Variants in MMD2 observed in about 807,000 individuals in gnomAD.
MMD2 encodes monocyte to macrophage differentiation factor 2.
A neutral mutation model predicts 33.5 loss-of-function variants in MMD2; 30 were observed. The observed-to-expected ratio is 0.90, with a 90% CI of 0.67 to 1.22. MMD2 has a LOEUF of 1.22. Ranked by LOEUF, MMD2 falls within the 50% of genes most tolerant of loss-of-function variation. The pLI is 0.00. For missense variants in MMD2, 364 were observed against 325.4 expected, an observed-to-expected ratio of 1.12 and a Z score of -0.91; for synonymous variants, 129 against 123.0, an observed-to-expected ratio of 1.05 and a Z score of -0.32.
intron 1 of MMD2, among the ~76,000 whole-genome samples, chr7:4,941,129 A>G (rs1027006459): frequency 3.9e-5 from 6 of 152,110 alleles, no homozygotes; most frequent in Non-Finnish European, 8.8e-5. Flanking sequence ...GTCCTCAGCT[A>G]GCTCCTGGGT....
chr7:4,937,998 C>CTTT (rs1785791916), intron 1 of MMD2, among the ~76,000 whole-genome samples: 1 of 62,728 alleles, frequency 1.6e-5, no homozygotes, highest in Non-Finnish European at 3.2e-5. Context: ...TTTTTTCTTT[C>CTTT]TTTCTTTTTT....
intron 1 of MMD2, among the ~76,000 whole-genome samples, chr7:4,935,193 GA>G (rs145518383): frequency 0.026 from 3,769 of 146,736 alleles, 115 homozygotes; most frequent in East Asian, 0.11. Context: ...CTCAAAAAAA[GA>G]AAAAAAAAAC....
chr7:4,911,364 A>C, intron 4 of MMD2, 118 bp from the exon 5 acceptor site: 1 of 723,364 alleles, frequency 1.4e-6, no homozygotes, highest in African/African-American at 1.8e-5. Context: ...CTGTGACTCC[A>C]CGGCTGGGAC....
the MMD2 span, among the ~76,000 whole-genome samples, chr7:4,897,732 C>CTCTTTCTT: frequency 7.0e-6 from 1 of 142,120 alleles, no homozygotes; most frequent in African/African-American, 2.7e-5. Flanking sequence ...TGTATTTAAT[C>CTCTTTCTT]TCTTTCTTTC....
intron 1 of MMD2, among the ~76,000 whole-genome samples, chr7:4,930,161 T>C (rs746807961): frequency 1.3e-5 from 2 of 150,666 alleles, no homozygotes; most frequent in Non-Finnish European, 3.0e-5. Flanking sequence ...TCCCAGCTAC[T>C]TGGAGGCTGA....
At chr7:4,915,632 C>T (rs1187782046) in intron 4 of MMD2, among the ~76,000 whole-genome samples, 2 of 151,402 alleles carry the variant, frequency 1.3e-5, no homozygotes, top group African/African-American at 4.9e-5. Context: ...CCCAGCTACT[C>T]GGGAGGCAGA....
intron 1 of MMD2, among the ~76,000 whole-genome samples, chr7:4,942,697 C>T (rs1785943992): frequency 6.6e-6 from 1 of 151,812 alleles, no homozygotes; most frequent in South Asian, 2.1e-4. Flanking sequence ...ATTGCAACCT[C>T]TGCCTCGCGG....
rs574767396 is a variant in MMD2, at chr7:4,906,479, C to A, written c.*917G>T. 40 of 398,632 alleles carry A rather than the reference C, an allele frequency of 1.0e-4. 1 individual carries two copies. In the South Asian group the frequency reaches 4.6e-3, roughly 46 times the overall value. The allele number at this position is 398,632 out of a possible 1,614,324, so 24.7% of individuals were successfully genotyped here. Reference sequence around the variant, plus strand: ...TTAAGTATGGAGCAGGGAGCAAGTGCCTGGGGGCTGTTTGCCCCATCTTAT... The same window carrying A: ...TTAAGTATGGAGCAGGGAGCAAGTGACTGGGGGCTGTTTGCCCCATCTTAT... On this transcript the variant is annotated 3_prime_UTR_variant, in exon 7 of 7. Coordinates refer to ENST00000401401, the MANE Select transcript of MMD2 (RefSeq NM_198403.4).
In MMD2 at chr7:4,910,382, T is replaced by A. The variant is rs73314086; in HGVS notation, c.468-432A>T. Among the ~76,000 whole-genome samples the A allele has an allele frequency of 8.6e-3, 1,317 of 152,268 alleles. 23 individuals carry two copies. Among genetic ancestry groups the A allele is most frequent in the African/African-American group, 0.03 (1,259 of 41,560 alleles). On this transcript the variant is annotated intron_variant, in intron 5 of 6. Coordinates refer to ENST00000401401, the MANE Select transcript of MMD2 (RefSeq NM_198403.4). Reference sequence around the variant, plus strand: ...CTTTGCTGTCCCTGGACTAAATGACTTCCAGAGGTTCCTGGGCTCTGAGAC... The same window carrying A: ...CTTTGCTGTCCCTGGACTAAATGACATCCAGAGGTTCCTGGGCTCTGAGAC...
the MMD2 span, among the ~76,000 whole-genome samples, chr7:4,895,056 GA>G: frequency 6.6e-6 from 1 of 150,486 alleles, no homozygotes; most frequent in Non-Finnish European, 1.5e-5. Flanking sequence ...TTGCATCCCC[GA>G]CTGCTTGCAT....
chr7:4,944,651 G>C (rs1786001247), intron 1 of MMD2, among the ~76,000 whole-genome samples: 1 of 152,066 alleles, frequency 6.6e-6, no homozygotes, highest in Admixed American at 6.6e-5. Context: ...AAGAATAGCA[G>C]AGAGACAGTC....
chr7:4,909,167 G>C (rs966958116), intron 6 of MMD2, among the ~76,000 whole-genome samples: 1 of 152,054 alleles, frequency 6.6e-6, no homozygotes, highest in Non-Finnish European at 1.5e-5. Context: ...CCAGATGTGA[G>C]TACTATTAAC....
intron 2 of MMD2, among the ~76,000 whole-genome samples, chr7:4,922,191 A>G (rs2115106748): frequency 6.6e-6 from 1 of 152,192 alleles, no homozygotes; most frequent in Middle Eastern, 3.4e-3. Context: ...ACGCCACCAT[A>G]CTCCAGCCTG....
intron 1 of MMD2, among the ~76,000 whole-genome samples, chr7:4,945,151 CTCT>C (rs1216118573): frequency 1.4e-5 from 2 of 145,840 alleles, no homozygotes; most frequent in African/African-American, 5.1e-5. Flanking sequence ...TCTTCTTTCC[CTCT>C]TCTTTTTCTT....
rs772762565 is a variant in MMD2, at chr7:4,911,205, C to A, written c.407G>T (p.Arg136Leu). Residue 136 changes from arginine (R) to leucine (L), a missense_variant, in exon 5 of 7, where the codon CGC becomes CTC. Transcript: ENST00000401401. ...GGAAGCCATAATCCAGACCAGCCAG[C>A]GCATGTGGGAGGCCCAGGGGCCCAG... ...RELGPWASHM[R>L]WLVWIMASVG... The A allele has an allele frequency of 1.2e-6, 2 of 1,602,324 alleles. No homozygotes were observed. The highest frequency in any genetic ancestry group is 8.5e-7 in the Non-Finnish European group (1 of 1,174,960).
At chr7:4,896,700 T>A in the MMD2 span, among the ~76,000 whole-genome samples, 1 of 152,168 alleles carries the variant, frequency 6.6e-6, no homozygotes, top group African/African-American at 2.4e-5. Flanking sequence ...TATTTTAGGA[T>A]AATTTATGAT....
intron 1 of MMD2, among the ~76,000 whole-genome samples, chr7:4,937,994 C>CT (rs1583388998): frequency 2.8e-5 from 2 of 71,384 alleles, no homozygotes; most frequent in Non-Finnish European, 5.7e-5. Context: ...TTCTTTTTTT[C>CT]TTTCTTTCTT....
At chr7:4,934,538 G>C (rs1278000594) in intron 1 of MMD2, among the ~76,000 whole-genome samples, 1 of 152,208 alleles carries the variant, frequency 6.6e-6, no homozygotes, top group African/African-American at 2.4e-5. Context: ...GCTGTGGCTG[G>C]TTAAACTAAA....
intron 1 of MMD2, among the ~76,000 whole-genome samples, chr7:4,955,468 T>C (rs1300857774): frequency 6.6e-6 from 1 of 152,142 alleles, no homozygotes; most frequent in African/African-American, 2.4e-5. Context: ...AAGATACCAA[T>C]ACGGTAGACA....
Sources: gnomAD v4.1 joint callset for allele counts (sites outside exome capture counted in the v4.1 genomes callset) on GRCh38, gnomAD v4.1.1 for gene constraint, MANE v1.5 for transcripts, NCBI Gene and HGNC (gene_info 2026-07-23, HGNC 2026-07-21) for gene names.